WDR86: variants seen among roughly 807,000 people sequenced by gnomAD.
WDR86 encodes WD repeat-containing protein 86.
A neutral mutation model predicts 36.5 loss-of-function variants in WDR86; 30 were observed. That is an observed-to-expected ratio of 0.82 (90% CI 0.61 to 1.11). The LOEUF (loss-of-function observed/expected upper bound fraction) is 1.11, where lower values mean the gene tolerates loss of function less well. Ranked by LOEUF, WDR86 falls within the 50% of genes most tolerant of loss-of-function variation. WDR86 has a pLI of 0.00. For synonymous variants in WDR86, 255 were observed against 252.9 expected, an observed-to-expected ratio of 1.01 and a Z score of -0.08; for missense variants, 545 against 561.2, an observed-to-expected ratio of 0.97 and a Z score of 0.29.
the WDR86 span, chr7:151,369,292 G>T: frequency 6.5e-6 from 1 of 153,734 alleles, no homozygotes; most frequent in Non-Finnish European, 1.4e-5. Flanking sequence ...ACAGGTGTGA[G>T]CCACCGCGCC....
chr7:151,394,648 G>A (rs1799675967), intron 3 of WDR86, among the ~76,000 whole-genome samples: 1 of 152,248 alleles, frequency 6.6e-6, no homozygotes, highest in African/African-American at 2.4e-5. Context: ...AACAGCAGCA[G>A]GGATGGTCAC....
Position 151,381,425 on chromosome 7 carries a change from A to G in WDR86, c.*157T>C. ...GCTCCCAGCGCCTCCTGGCCACCAA[A>G]GAAAAACCAGACGCCTGCGACGGGC... On this transcript the variant is annotated 3_prime_UTR_variant, in exon 6 of 6. Transcript: ENST00000334493. The surrounding 1 kb of genome is among the most constrained non-coding windows in gnomAD (Gnocchi z 4.8). 6.7e-7 allele frequency: 1 copy of G among 1,489,752 alleles called. No homozygotes were observed. Among genetic ancestry groups the G allele is most frequent in the Non-Finnish European group, 8.9e-7 (1 of 1,127,756 alleles). 92.3% of individuals were successfully genotyped at this position (1,489,752 alleles called of 1,614,324 possible). A position where few individuals can be genotyped will look rare whatever the true frequency, so the allele number is the denominator to read the frequency against.
downstream of WDR86, among the ~76,000 whole-genome samples, chr7:151,379,644 G>A (rs1162080179): frequency 2.0e-5 from 3 of 152,158 alleles, no homozygotes; most frequent in Non-Finnish European, 4.4e-5. Context: ...AGCTCTCTGT[G>A]CAATGGAAGT....
chr7:151,380,334 GC>G (rs537691523), downstream of WDR86, among the ~76,000 whole-genome samples: 5 of 152,324 alleles, frequency 3.3e-5, no homozygotes, highest in East Asian at 1.9e-4. Flanking sequence ...ATCCCTGGCG[GC>G]CCCGGCCGTC....
intron 2 of WDR86, 76 bp from the exon 3 acceptor site, chr7:151,396,272 G>A: frequency 6.7e-7 from 1 of 1,502,760 alleles, no homozygotes; most frequent in South Asian, 1.1e-5. Flanking sequence ...GACATGCCAT[G>A]CTCGGCACTG....
chr7:151,379,173 G>A (rs945078319), downstream of WDR86, among the ~76,000 whole-genome samples: 1 of 152,202 alleles, frequency 6.6e-6, no homozygotes, highest in African/African-American at 2.4e-5. Context: ...AGTGTGACAT[G>A]TTCATGGGCT....
chr7:151,382,772 CG>C (rs1798694042), intron 4 of WDR86, among the ~76,000 whole-genome samples: 1 of 152,086 alleles, frequency 6.6e-6, no homozygotes, highest in Non-Finnish European at 1.5e-5. Context: ...ACCTGGCAGG[CG>C]TCCCAGGAAA....
chr7:151,375,615 C>T (rs1798180961), downstream of WDR86, among the ~76,000 whole-genome samples: 2 of 152,202 alleles, frequency 1.3e-5, no homozygotes, highest in South Asian at 4.1e-4. Context: ...TCCCTTCCTG[C>T]TCTAACAGAA....
chr7:151,381,848 G>A lies in WDR86; in HGVS notation c.966+30C>T, dbSNP rs749563171. On this transcript the variant is annotated intron_variant, in intron 5 of 5. Coordinates refer to ENST00000334493, the MANE Select transcript of WDR86 (RefSeq NM_198285.3). This position sits in a 1 kb window ranked among gnomAD's most constrained non-coding sequence, Gnocchi z 4.8. ...GCGGGGCACCTTCCCTCCCACGGGC[G>A]GCGGCCCCGAGAAGGGCAGAGGGAC... is the stretch of plus-strand genomic sequence containing the variant. 6.3e-7 allele frequency: 1 copy of A among 1,579,546 alleles called. No homozygotes were observed. The highest frequency in any genetic ancestry group is 1.1e-5 in the South Asian group (1 of 87,130).
intron 3 of WDR86, among the ~76,000 whole-genome samples, chr7:151,391,935 C>T (rs749809702): frequency 3.9e-5 from 6 of 152,138 alleles, no homozygotes; most frequent in Non-Finnish European, 5.9e-5. Context: ...CCAGGCCTTC[C>T]TAGTGAAGCA....
chr7:151,408,605 G>C (rs1006514876), intron 1 of WDR86: 1 of 249,226 alleles, frequency 4.0e-6, no homozygotes, highest in Admixed American at 4.4e-5. Flanking sequence ...CACTGATGAT[G>C]GTGGAAAAGC....
At chr7:151,402,070 A>AAATATATATATATATATATAT in intron 1 of WDR86, among the ~76,000 whole-genome samples, 2 of 50,560 alleles carry the variant, frequency 4.0e-5, no homozygotes, top group African/African-American at 1.2e-4. Context: ...AAAAAAAAAA[A>AAATATATATATATATATATAT]ATATATATAT....
chr7:151,376,373 G>A (rs1584979058), downstream of WDR86: 1 of 515,240 alleles, frequency 1.9e-6, no homozygotes, highest in African/African-American at 1.9e-5. Flanking sequence ...GGTGAGGCTG[G>A]TGTGGCGCCC....
chr7:151,409,330 C>CTAG lies in WDR86; in HGVS notation c.163+96_163+97insCTA. 2 of 1,513,132 alleles carry CTAG rather than the reference C, an allele frequency of 1.3e-6. No individual in the cohort carries two copies. Among genetic ancestry groups the CTAG allele is most frequent in the Non-Finnish European group, 1.8e-6 (2 of 1,118,096 alleles). 93.7% of individuals were successfully genotyped at this position (1,513,132 alleles called of 1,614,324 possible). On this transcript the variant is annotated intron_variant, in intron 1 of 5. Coordinates refer to ENST00000334493, the MANE Select transcript of WDR86 (RefSeq NM_198285.3). The surrounding 1 kb of genome is among the most constrained non-coding windows in gnomAD (Gnocchi z 5.2). The stretch of plus-strand genomic sequence containing the variant: ...TGTGCCGGGATGAGCGGGGGCTGGA[C>CTAG]TTCTAGAAAGGGGTCTGCGGGCGCA...
At position 151,381,940 on chromosome 7, in the gene WDR86, C is replaced by T. The variant is rs1297158168; in HGVS notation, c.904G>A (p.Ala302Thr). The T allele has an allele frequency of 6.2e-7, 1 of 1,609,274 alleles. No homozygotes were observed. The highest frequency in any genetic ancestry group is 8.5e-7 in the Non-Finnish European group (1 of 1,178,370). ...ACCCTCCGCAGCTCTCCAGACTGCG[C>T]GTCGAAGGCCCGGGCGCAAGCGTCC... ...SGDACARAFD[A>T]QSGELRRVFR... Residue 302 changes from alanine to threonine, a missense_variant, in exon 5 of 6, where the codon GCG becomes ACG. Coordinates refer to ENST00000334493, the MANE Select transcript of WDR86 (RefSeq NM_198285.3). This position sits in a 1 kb window ranked among gnomAD's most constrained non-coding sequence, Gnocchi z 4.8.
At chr7:151,385,315 G>T (rs770587586) in intron 3 of WDR86, 92 bp from the exon 4 acceptor site, 5 of 1,557,538 alleles carry the variant, frequency 3.2e-6, no homozygotes, top group Non-Finnish European at 4.3e-6. Flanking sequence ...GCATGTGCAG[G>T]TCTCAGTGGT....
chr7:151,371,745 C>T (rs967528960), downstream of WDR86, among the ~76,000 whole-genome samples: 7 of 152,298 alleles, frequency 4.6e-5, 1 homozygote, highest in East Asian at 1.9e-4. Flanking sequence ...TAAAACAATT[C>T]GTTCATGTTT....
intron 3 of WDR86, among the ~76,000 whole-genome samples, chr7:151,394,589 C>T (rs573277632): frequency 6.6e-6 from 1 of 152,362 alleles, no homozygotes; most frequent in East Asian, 1.9e-4. Flanking sequence ...CATGGGGGAT[C>T]ACACCCAACA....
At chr7:151,402,070 A>AAAAAATATATATATATATATAT in intron 1 of WDR86, among the ~76,000 whole-genome samples, 7 of 50,540 alleles carry the variant, frequency 1.4e-4, no homozygotes, top group Non-Finnish European at 1.3e-4. Flanking sequence ...AAAAAAAAAA[A>AAAAAATATATATATATATATAT]ATATATATAT....
Sources: gnomAD v4.1 joint callset for allele counts (sites outside exome capture counted in the v4.1 genomes callset) on GRCh38, gnomAD v4.1.1 for gene constraint, Gnocchi (gnomAD v3.1) non-coding constraint, MANE v1.5 for transcripts, NCBI Gene and HGNC (gene_info 2026-07-23, HGNC 2026-07-21) for gene names.